GSTCD: variants seen among roughly 807,000 people sequenced by gnomAD.
GSTCD encodes the protein glutathione S-transferase C-terminal domain-containing protein.
GSTCD carries 44 observed loss-of-function variants against 68.3 expected under a neutral mutation model. The ratio of observed to expected loss-of-function variants is 0.64; its 90% CI spans 0.51 to 0.83. The LOEUF is 0.83. Ranked by LOEUF, GSTCD falls within the 40% of genes least tolerant of loss-of-function variation. The pLI is 0.00. For synonymous variants in GSTCD, 273 were observed against 255.2 expected, an observed-to-expected ratio of 1.07 and a Z score of -0.67; for missense variants, 739 against 735.9, an observed-to-expected ratio of 1.00 and a Z score of -0.05.
intron 5 of GSTCD, among the ~76,000 whole-genome samples, chr4:105,750,460 C>CAAAAAAA (rs1024094979): frequency 5.8e-5 from 3 of 51,296 alleles, no homozygotes; most frequent in African/African-American, 1.3e-4. Flanking sequence ...AACTCCGTCT[C>CAAAAAAA]AAAAAAAAAA....
intron 5 of GSTCD, among the ~76,000 whole-genome samples, chr4:105,730,395 C>G (rs555502234): frequency 3.3e-5 from 5 of 152,292 alleles, no homozygotes; most frequent in Admixed American, 3.3e-4. Flanking sequence ...CACATTGTAT[C>G]CAGCACCTGT....
intron 8 of GSTCD, among the ~76,000 whole-genome samples, chr4:105,833,906 T>A (rs1364554832): frequency 6.6e-6 from 1 of 152,090 alleles, no homozygotes; most frequent in Non-Finnish European, 1.5e-5. Context: ...AACTCATCAT[T>A]CAATGTTAAG....
At chr4:105,720,644 CAT>C (rs973050322) in intron 3 of GSTCD, among the ~76,000 whole-genome samples, 93 of 152,288 alleles carry the variant, frequency 6.1e-4, no homozygotes, top group African/African-American at 2.2e-3. Flanking sequence ...TGCCAGATGT[CAT>C]ATGTCTTCAC....
rs561262757 is a variant in GSTCD at position 105,761,153 on chromosome 4, G to C, written c.1240+31654G>C. 3 of 181,238 alleles carry C rather than the reference G, an allele frequency of 1.7e-5. No homozygotes were observed. In the Admixed American group the frequency reaches 1.9e-4, roughly 11 times the overall value. The allele number at this position is 181,238 out of a possible 1,614,324, so 11.2% of individuals were successfully genotyped here. On this transcript the variant is annotated intron_variant, in intron 5 of 11. Coordinates refer to ENST00000515279, the MANE Select transcript of GSTCD (RefSeq NM_001370181.1). Reference sequence around the variant, plus strand: ...CAAGTAGCTGGGATTATAGGAGCCCGCCACCATATCTGGCTAATTTTTGTA... The same window carrying C: ...CAAGTAGCTGGGATTATAGGAGCCCCCCACCATATCTGGCTAATTTTTGTA...
Position 105,717,798 on chromosome 4 carries a change from T to C in GSTCD, c.185T>C (p.Leu62Pro), listed in dbSNP as rs1732727883. Reference protein sequence around the residue: ...VTKEVSRDSSLLRDDLIQDVE... With the variant: ...VTKEVSRDSSPLRDDLIQDVE... ...AAAGAGGTGAGTAGAGATAGTTCAC[T>C]ACTAAGAGATGACCTGATCCAGGAT... The change falls in exon 2 of 12, where the codon CTA becomes CCA. Residue 62 changes from leucine (L) to proline (P), a missense_variant. Coordinates refer to ENST00000515279, the MANE Select transcript of GSTCD (RefSeq NM_001370181.1). 1.2e-6 allele frequency: 2 copies of C among 1,613,884 alleles called. No homozygotes were observed. Among genetic ancestry groups the C allele is most frequent in the Non-Finnish European group, 1.7e-6 (2 of 1,179,888 alleles).
intron 5 of GSTCD, among the ~76,000 whole-genome samples, chr4:105,747,789 G>C (rs1194136134): frequency 6.6e-6 from 1 of 151,514 alleles, no homozygotes; most frequent in Non-Finnish European, 1.5e-5. Flanking sequence ...CTCATCTTGG[G>C]TTCTTATTAT....
At chr4:105,834,401 TA>T (rs1560853975) in intron 8 of GSTCD, 59 bp from the exon 9 acceptor site, 1 of 1,557,888 alleles carries the variant, frequency 6.4e-7, no homozygotes, top group Admixed American at 1.8e-5. Flanking sequence ...TTAAAAGGCA[TA>T]AAAATTGCAC....
At chr4:105,842,291 A>G (rs1341645756) in intron 11 of GSTCD, among the ~76,000 whole-genome samples, 157 bp downstream of exon 11, 1 of 152,234 alleles carries the variant, frequency 6.6e-6, no homozygotes, top group Non-Finnish European at 1.5e-5. Flanking sequence ...TTCATATTGA[A>G]AAGGGTATTG....
At chr4:105,765,634 T>C (rs1734574418) in intron 5 of GSTCD, among the ~76,000 whole-genome samples, 2 of 152,242 alleles carry the variant, frequency 1.3e-5, no homozygotes, top group South Asian at 4.1e-4. Flanking sequence ...TCTTTGTCCC[T>C]GATATGGCCT....
chr4:105,749,003 G>A (rs1272162189), intron 5 of GSTCD, among the ~76,000 whole-genome samples: 2 of 151,588 alleles, frequency 1.3e-5, no homozygotes, highest in African/African-American at 4.8e-5. Flanking sequence ...TTTTATAATA[G>A]GTTTTAATGA....
At chr4:105,829,012 G>C (rs895414925) in intron 8 of GSTCD, among the ~76,000 whole-genome samples, 1 of 151,888 alleles carries the variant, frequency 6.6e-6, no homozygotes, top group Non-Finnish European at 1.5e-5. Flanking sequence ...CCAAGAATAA[G>C]AACTAAATGA....
intron 5 of GSTCD, among the ~76,000 whole-genome samples, chr4:105,767,110 G>GA (rs1410459249): frequency 1.3e-5 from 2 of 152,000 alleles, no homozygotes; most frequent in Non-Finnish European, 2.9e-5. Flanking sequence ...TGGATGGACA[G>GA]AAAAAAGAAG....
chr4:105,779,470 A>G (rs1735197637), intron 5 of GSTCD, among the ~76,000 whole-genome samples: 1 of 152,172 alleles, frequency 6.6e-6, no homozygotes. Context: ...GAAAACTTAT[A>G]TTTCTCAATT....
chr4:105,758,352 G>C (rs535749021), intron 5 of GSTCD, among the ~76,000 whole-genome samples: 14 of 152,214 alleles, frequency 9.2e-5, no homozygotes, highest in African/African-American at 3.4e-4. Flanking sequence ...TGCTGGAGGT[G>C]GGGCCTGGTG....
At chr4:105,714,260 G>A (rs1732620051) in intron 1 of GSTCD, among the ~76,000 whole-genome samples, 1 of 152,048 alleles carries the variant, frequency 6.6e-6, no homozygotes, top group Non-Finnish European at 1.5e-5. Flanking sequence ...CTCCCTCTCT[G>A]CAGAGTGGCA....
intron 5 of GSTCD, among the ~76,000 whole-genome samples, chr4:105,793,017 T>A (rs1735734296): frequency 6.6e-6 from 1 of 152,028 alleles, no homozygotes; most frequent in Non-Finnish European, 1.5e-5. Flanking sequence ...TCTGTAATCT[T>A]AATATTTATA....
Position 105,719,359 on chromosome 4 carries a change from A to G in GSTCD, c.726A>G (p.Ala242=), listed in dbSNP as rs754213274. 14 of 1,614,148 alleles carry G rather than the reference A, an allele frequency of 8.7e-6. No individual in the cohort carries two copies. The highest frequency in any genetic ancestry group is 1.2e-5 in the Non-Finnish European group (14 of 1,179,994). ...SSSKSLELKV[A]FSKLTVQEEP... is the part of the protein sequence containing the mutation. ...CCAAGAGTCTGGAACTGAAAGTGGC[A>G]TTCTCAAAGCTCACAGTACAGGAAG... Residue 242 remains alanine (A), a synonymous_variant, in exon 3 of 12, where the codon GCA becomes GCG. Coordinates refer to ENST00000515279, the MANE Select transcript of GSTCD (RefSeq NM_001370181.1).
intron 8 of GSTCD, among the ~76,000 whole-genome samples, chr4:105,826,554 A>G (rs892330894): frequency 6.6e-6 from 1 of 152,140 alleles, no homozygotes; most frequent in African/African-American, 2.4e-5. Flanking sequence ...AGTGATAAAT[A>G]CTATCAAAAA....
At chr4:105,796,005 C>T (rs1248302682) in intron 5 of GSTCD, among the ~76,000 whole-genome samples, 4 of 152,266 alleles carry the variant, frequency 2.6e-5, no homozygotes, top group African/African-American at 9.6e-5. Flanking sequence ...AATATTGCAA[C>T]TTTTGTTTCC....
Sources: allele counts gnomAD v4.1 joint callset (sites outside exome capture counted in the v4.1 genomes callset), GRCh38; gene constraint gnomAD v4.1.1; transcripts MANE v1.5; gene names NCBI Gene and HGNC (gene_info 2026-07-23, HGNC 2026-07-21).